Variants in PAPPA2 observed in about 807,000 individuals in gnomAD.
PAPPA2 encodes the protein pappalysin 2.
Under a neutral mutation model 176.4 loss-of-function variants are expected in PAPPA2, and 86 were observed. That is an observed-to-expected ratio of 0.49 (90% confidence interval 0.41 to 0.58). PAPPA2 has a LOEUF of 0.58. Ranked by LOEUF, PAPPA2 falls within the 20% of genes least tolerant of loss-of-function variation. The probability of loss-of-function intolerance (pLI) is 0.00; values close to 1 mark genes in which losing one functional copy is unlikely to be tolerated. For synonymous variants in PAPPA2, 809 were observed against 852.2 expected (o/e 0.95, Z 0.88); for missense variants, 2,073 against 2,256.9 (o/e 0.92, Z 1.65).
chr1:176,492,259 G>A (rs1375990225), intron 1 of PAPPA2, among the ~76,000 whole-genome samples: 1 of 152,182 alleles, frequency 6.6e-6, no homozygotes, highest in African/African-American at 2.4e-5. Context: ...TCTTTTCTCT[G>A]CTATGCTGCC....
At chr1:176,716,279 C>T (rs530374432) in intron 12 of PAPPA2, among the ~76,000 whole-genome samples, 1 of 150,114 alleles carries the variant, frequency 6.7e-6, no homozygotes, top group Non-Finnish European at 1.5e-5. Flanking sequence ...TTGCTCTCGC[C>T]CTGTCACCTG....
In PAPPA2 at chr1:176,595,472, G is replaced by T. The variant is rs760380892; in HGVS notation, c.1868G>T (p.Arg623Leu). The change falls in exon 3 of 23, where the codon CGC (arginine) becomes CTC (leucine). Residue 623 changes from arginine to leucine, a missense_variant. This residue lies in a region of PAPPA2 where 1,196 missense variants were observed against 1,330.4 expected (regional missense o/e 0.90). Transcript: ENST00000367662. ...RLQGRCYSWN[R>L]RDGLCHVECN... ...CAGGGCCGCTGCTACTCCTGGAACC[G>T]CAGGGATGGGCTCTGTCACGTGGAG... 5 of 1,614,188 alleles carry T rather than the reference G, an allele frequency of 3.1e-6. No individual in the cohort carries two copies. Among genetic ancestry groups the T allele is most frequent in the Non-Finnish European group, 1.7e-6 (2 of 1,180,054 alleles).
intron 21 of PAPPA2, among the ~76,000 whole-genome samples, chr1:176,829,223 C>T (rs897845003): frequency 2.0e-5 from 3 of 151,098 alleles, no homozygotes; most frequent in Admixed American, 2.0e-4. Flanking sequence ...TCTCAATGTA[C>T]TTGATTGCTG....
At chr1:176,618,713 CA>C (rs1655417861) in intron 3 of PAPPA2, among the ~76,000 whole-genome samples, 1 of 152,122 alleles carries the variant, frequency 6.6e-6, no homozygotes, top group Non-Finnish European at 1.5e-5. Flanking sequence ...AGTAATTCAA[CA>C]AATTCTCTCT....
chr1:176,701,974 C>G (rs1262716136), intron 8 of PAPPA2, among the ~76,000 whole-genome samples: 2 of 152,078 alleles, frequency 1.3e-5, no homozygotes, highest in Non-Finnish European at 2.9e-5. Context: ...CTAGGGTCAA[C>G]TGATACAACT....
intron 1 of PAPPA2, among the ~76,000 whole-genome samples, chr1:176,497,552 G>A (rs1392218069): frequency 6.6e-6 from 1 of 152,150 alleles, no homozygotes; most frequent in Admixed American, 6.5e-5. Context: ...TGACCCACAA[G>A]GTGTTTTTAA....
At chr1:176,732,264 T>C (rs1662194085) in intron 12 of PAPPA2, among the ~76,000 whole-genome samples, 1 of 152,172 alleles carries the variant, frequency 6.6e-6, no homozygotes, top group Admixed American at 6.5e-5. Context: ...GTCTGTTTTA[T>C]AAAAGGAGCA....
At chr1:176,800,217 C>A (rs1665623332) in intron 21 of PAPPA2, 85 bp downstream of exon 21, 2 of 1,310,134 alleles carry the variant, frequency 1.5e-6, no homozygotes, top group East Asian at 2.4e-5. Context: ...TAATTTAGGA[C>A]CTGGTCCCTC....
chr1:176,523,388 A>T (rs1045608543), intron 1 of PAPPA2, among the ~76,000 whole-genome samples: 1 of 152,168 alleles, frequency 6.6e-6, no homozygotes, highest in African/African-American at 2.4e-5. Context: ...ATGCCCAGAG[A>T]CTGTCAGATT....
At chr1:176,539,150 G>C (rs764533239) in intron 1 of PAPPA2, among the ~76,000 whole-genome samples, 18 of 152,186 alleles carry the variant, frequency 1.2e-4, no homozygotes, top group Non-Finnish European at 2.2e-4. Flanking sequence ...CCCGGGTGCT[G>C]GTGCAGTTAG....
chr1:176,838,787 T>C (rs1487801275), intron 21 of PAPPA2, among the ~76,000 whole-genome samples: 3 of 152,218 alleles, frequency 2.0e-5, no homozygotes, highest in Non-Finnish European at 4.4e-5. Context: ...TGCTCACAAC[T>C]GACATTGCTA....
chr1:176,800,675 A>G (rs982774494), intron 21 of PAPPA2, among the ~76,000 whole-genome samples: 19 of 152,230 alleles, frequency 1.2e-4, no homozygotes, highest in Admixed American at 7.9e-4. Flanking sequence ...CCGTGATGAC[A>G]ATTAGCTGGA....
intron 12 of PAPPA2, among the ~76,000 whole-genome samples, chr1:176,736,031 A>G (rs1305750466): frequency 6.6e-6 from 1 of 152,200 alleles, no homozygotes; most frequent in Non-Finnish European, 1.5e-5. Context: ...AATGTTAGAT[A>G]TAGCTAATAA....
chr1:176,702,017 T>C (rs1006205055), intron 8 of PAPPA2, among the ~76,000 whole-genome samples: 4 of 152,286 alleles, frequency 2.6e-5, no homozygotes, highest in Middle Eastern at 6.8e-3. Flanking sequence ...TTAATAGATT[T>C]GGAGGTGGGG....
At chr1:176,686,347 T>C (rs907431858) in intron 4 of PAPPA2, among the ~76,000 whole-genome samples, 1 of 152,120 alleles carries the variant, frequency 6.6e-6, no homozygotes, top group African/African-American at 2.4e-5. Context: ...GCCAGACACT[T>C]ATAAAACTAT....
rs1667629366 is a variant in PAPPA2, at chr1:176,845,455, T to C, written c.*3001T>C. 6.6e-6 allele frequency: 1 copy of C among 152,218 alleles called. No individual in the cohort carries two copies. Among genetic ancestry groups the C allele is most frequent in the African/African-American group, 2.4e-5 (1 of 41,454 alleles). The allele number at this position is 152,218 out of a possible 1,614,324, so 9.4% of individuals were successfully genotyped here. On this transcript the variant is annotated 3_prime_UTR_variant, in exon 23 of 23. Coordinates refer to ENST00000367662, the MANE Select transcript of PAPPA2 (RefSeq NM_020318.3). ...CTTCCTGTATTCTTTGTGATCACTA[T>C]TGAGTGCATTAGTTAACACCCAAGG...
chr1:176,809,665 G>A (rs61821285), intron 21 of PAPPA2, among the ~76,000 whole-genome samples: 10,449 of 152,128 alleles, frequency 0.069, 401 homozygotes, highest in Non-Finnish European at 0.087. Context: ...GAGGGTTTTC[G>A]TACCATTTTT....
chr1:176,466,382 A>T (rs1651621493), intron 1 of PAPPA2, among the ~76,000 whole-genome samples: 1 of 152,138 alleles, frequency 6.6e-6, no homozygotes, highest in Non-Finnish European at 1.5e-5. Context: ...AAGCACCATC[A>T]TCTGATTGGC....
rs192878784 is a variant in PAPPA2, at chr1:176,678,640, T to C, written c.2137+7525T>C. Among the ~76,000 whole-genome samples the C allele has an allele frequency of 5.3e-5, 8 of 152,134 alleles. No homozygotes were observed. The East Asian group carries it at 1.5e-3, about 29-fold the overall frequency. On this transcript the variant is annotated intron_variant, in intron 4 of 22. Coordinates refer to ENST00000367662, the MANE Select transcript of PAPPA2 (RefSeq NM_020318.3). ...GTTTACATTTCAAATATTTTTTTTT[T>C]TTTCCTGCTGGGAGTCAGGCCAGTA... is the stretch of plus-strand genomic sequence containing the variant.
Sources: gnomAD v4.1 joint callset for allele counts (sites outside exome capture counted in the v4.1 genomes callset) on GRCh38, gnomAD v4.1.1 for gene constraint, gnomAD v4.1.1 regional missense constraint, MANE v1.5 for transcripts, NCBI Gene and HGNC (gene_info 2026-07-23, HGNC 2026-07-21) for gene names.